Variants in DYNC2H1 observed in about 807,000 individuals in gnomAD.
The protein encoded by DYNC2H1 is dynein cytoplasmic 2 heavy chain 1.
Under a neutral mutation model 570.0 loss-of-function variants are expected in DYNC2H1, and 410 were observed. The observed-to-expected ratio is 0.72, with a 90% CI of 0.66 to 0.78. The LOEUF is 0.78. Among genes scored for constraint, DYNC2H1 ranks in the 30% least tolerant of loss-of-function variants. The pLI is 0.00. For missense variants in DYNC2H1, 4,865 were observed against 5,046.4 expected (o/e 0.96, Z 1.09); for synonymous variants, 1,688 against 1,677.6 (o/e 1.01, Z -0.15).
chr11:103,235,406 G>A (rs1292029139), intron 61 of DYNC2H1, among the ~76,000 whole-genome samples: 1 of 151,874 alleles, frequency 6.6e-6, no homozygotes, highest in Non-Finnish European at 1.5e-5. Context: ...TGATTGGGAT[G>A]AAAATTCTGC....
At chr11:103,403,853 C>T (rs1942749485) in intron 84 of DYNC2H1, 1 of 151,970 alleles carries the variant, frequency 6.6e-6, no homozygotes, top group African/African-American at 2.4e-5. Flanking sequence ...ATACTCATAG[C>T]TTCAATATCA....
intron 47 of DYNC2H1, among the ~76,000 whole-genome samples, chr11:103,193,544 T>C (rs1202994386): frequency 6.6e-6 from 1 of 152,024 alleles, no homozygotes; most frequent in Non-Finnish European, 1.5e-5. Flanking sequence ...TTTTTTCTTT[T>C]TCTTTTTTTT....
intron 25 of DYNC2H1, 121 bp downstream of exon 25, chr11:103,155,622 G>A (rs1860781978): frequency 1.1e-6 from 1 of 945,940 alleles, no homozygotes; most frequent in Non-Finnish European, 1.5e-6. Flanking sequence ...TCATCAAAAA[G>A]TAAACAAACA....
At chr11:103,316,759 T>G in intron 80 of DYNC2H1, 139 bp downstream of exon 80, 1 of 580,306 alleles carries the variant, frequency 1.7e-6, no homozygotes. Flanking sequence ...TTTATTTGAC[T>G]TCTATACCTG....
At chr11:103,451,324 CTTTTTTTTTTTT>C (rs34032894) in intron 85 of DYNC2H1, among the ~76,000 whole-genome samples, 11 of 71,000 alleles carry the variant, frequency 1.5e-4, no homozygotes, top group East Asian at 1.0e-3. Context: ...AGTAAAAGGG[CTTTTTTTTTTTT>C]TTTTTTTTTT....
chr11:103,141,052 T>C (rs1247943636), intron 17 of DYNC2H1, among the ~76,000 whole-genome samples: 1 of 152,212 alleles, frequency 6.6e-6, no homozygotes, highest in African/African-American at 2.4e-5. Flanking sequence ...GGCTTTCAGC[T>C]CCATCAGCTC....
intron 68 of DYNC2H1, among the ~76,000 whole-genome samples, chr11:103,257,071 C>T (rs1451000817): frequency 6.6e-6 from 1 of 152,074 alleles, no homozygotes; most frequent in Non-Finnish European, 1.5e-5. Context: ...AATGTAATCC[C>T]CAGTGTAATA....
chr11:103,350,766 C>G (rs1289052570), intron 82 of DYNC2H1, among the ~76,000 whole-genome samples: 1 of 152,046 alleles, frequency 6.6e-6, no homozygotes, highest in Non-Finnish European at 1.5e-5. Context: ...TACATGTGCA[C>G]AGAGAGTGAA....
intron 48 of DYNC2H1, 72 bp downstream of exon 48, chr11:103,198,135 T>C: frequency 6.8e-7 from 1 of 1,464,484 alleles, no homozygotes; most frequent in Admixed American, 2.1e-5. Context: ...ATTGTAAATA[T>C]TTAGAGGGCA....
intron 84 of DYNC2H1, among the ~76,000 whole-genome samples, chr11:103,419,798 C>G (rs1177905295): frequency 6.6e-6 from 1 of 152,068 alleles, no homozygotes; most frequent in Non-Finnish European, 1.5e-5. Context: ...GCGGAATTGA[C>G]AGAAGTAGGC....
At chr11:103,308,974 A>G (rs1386843340) in intron 78 of DYNC2H1, among the ~76,000 whole-genome samples, 2 of 151,034 alleles carry the variant, frequency 1.3e-5, no homozygotes, top group East Asian at 1.9e-4. Context: ...ATTGTTCCCA[A>G]CCTCCCTGCC....
chr11:103,338,304 A>G (rs1258752130), intron 82 of DYNC2H1, among the ~76,000 whole-genome samples: 4 of 143,644 alleles, frequency 2.8e-5, no homozygotes, highest in African/African-American at 1.0e-4. Context: ...GTCAGGAAGT[A>G]TGATTTGCTC....
chr11:103,163,096 T>C lies in DYNC2H1; in HGVS notation c.4560T>C (p.Thr1520=), dbSNP rs1336057242. 1 of 1,613,428 alleles carries C rather than the reference T, an allele frequency of 6.2e-7. No homozygotes were observed. Among genetic ancestry groups the C allele is most frequent in the Non-Finnish European group, 8.5e-7 (1 of 1,179,424 alleles). ...TLEQLLKECV[T]TGRSSQGAVD... ...AACAGTTGTTGAAGGAATGTGTTACTACTGGGCGAAGTTCTCAAGGTGCAG... is the reference window on the plus strand; with the variant it reads ...AACAGTTGTTGAAGGAATGTGTTACCACTGGGCGAAGTTCTCAAGGTGCAG... The change falls in exon 30 of 89, where the codon ACT becomes ACC. Residue 1520 remains threonine, a synonymous_variant. Transcript: ENST00000375735. This position sits in a 1 kb window ranked among gnomAD's most constrained non-coding sequence, Gnocchi z 4.6.
intron 30 of DYNC2H1, among the ~76,000 whole-genome samples, chr11:103,165,189 G>A (rs1861251527): frequency 6.6e-6 from 1 of 152,168 alleles, no homozygotes; most frequent in Admixed American, 6.5e-5. Context: ...GTGCAGTGGT[G>A]CGATCTCAGC....
chr11:103,470,475 GGTTT>G (rs1945339330), intron 88 of DYNC2H1, among the ~76,000 whole-genome samples: 1 of 152,114 alleles, frequency 6.6e-6, no homozygotes, highest in African/African-American at 2.4e-5. Flanking sequence ...ACAACGTGCA[GGTTT>G]GTTACGTATG....
At chr11:103,459,308 CAAAAAAAAAA>C (rs33941099) in intron 87 of DYNC2H1, among the ~76,000 whole-genome samples, 2 of 52,434 alleles carry the variant, frequency 3.8e-5, no homozygotes, top group African/African-American at 7.6e-5. Context: ...GACTCCGTCT[CAAAAAAAAAA>C]AAAAAAAAAA....
At chr11:103,372,262 G>T (rs1471967472) in intron 83 of DYNC2H1, among the ~76,000 whole-genome samples, 1 of 151,866 alleles carries the variant, frequency 6.6e-6, no homozygotes, top group Non-Finnish European at 1.5e-5. Flanking sequence ...CAAGTGATCT[G>T]CCTGCCTAGG....
intron 54 of DYNC2H1, among the ~76,000 whole-genome samples, chr11:103,212,419 C>T (rs1259571549): frequency 6.6e-6 from 1 of 151,622 alleles, no homozygotes; most frequent in Non-Finnish European, 1.5e-5. Flanking sequence ...CAAATACCAC[C>T]TGTACCCAAT....
intron 9 of DYNC2H1, among the ~76,000 whole-genome samples, 161 bp from the exon 10 acceptor site, chr11:103,121,211 T>C (rs1232686456): frequency 6.6e-6 from 1 of 152,230 alleles, no homozygotes; most frequent in Non-Finnish European, 1.5e-5. Flanking sequence ...CAAGTTATTA[T>C]AATTCGCTGT....
Sources: gnomAD v4.1 joint callset for allele counts (sites outside exome capture counted in the v4.1 genomes callset) on GRCh38, gnomAD v4.1.1 for gene constraint, Gnocchi (gnomAD v3.1) non-coding constraint, MANE v1.5 for transcripts, NCBI Gene and HGNC (gene_info 2026-07-23, HGNC 2026-07-21) for gene names.